The following ANKRD17 variants were observed in gnomAD, a reference collection of about 807,000 sequenced individuals.
ANKRD17 encodes the protein ankyrin repeat domain-containing protein 17.
ANKRD17 carries 19 observed loss-of-function variants against 229.7 expected under a neutral mutation model. The ratio of observed to expected loss-of-function variants is 0.08; its 90% CI spans 0.06 to 0.12. The LOEUF (loss-of-function observed/expected upper bound fraction) is 0.12. ANKRD17 is among the 10% of genes least tolerant of loss of function. The probability of loss-of-function intolerance (pLI) is 1.00; values close to 1 mark genes in which losing one functional copy is unlikely to be tolerated. For synonymous variants in ANKRD17, 1,112 were observed against 1,146.1 expected (o/e 0.97, Z 0.60); for missense variants, 2,176 against 3,176.8 (o/e 0.68, Z 7.57).
chr4:73,085,570 T>C (rs1433229456), intron 29 of ANKRD17, 124 bp from the exon 30 acceptor site: 5 of 852,072 alleles, frequency 5.9e-6, no homozygotes, highest in Non-Finnish European at 7.0e-6. Flanking sequence ...AAATCCCGGC[T>C]GGGAGTGGTG....
At chr4:73,099,947 C>T (rs1413668253) in intron 25 of ANKRD17, among the ~76,000 whole-genome samples, 1 of 152,108 alleles carries the variant, frequency 6.6e-6, no homozygotes, top group East Asian at 1.9e-4. Context: ...GCCGCTCCCC[C>T]ATACTTACTT....
intron 1 of ANKRD17, among the ~76,000 whole-genome samples, chr4:73,245,556 C>T (rs1744421769): frequency 6.6e-6 from 1 of 152,212 alleles, no homozygotes; most frequent in Non-Finnish European, 1.5e-5. Context: ...CCACAATCTT[C>T]TCCCACTAAC....
intron 2 of ANKRD17, among the ~76,000 whole-genome samples, chr4:73,168,111 C>T (rs1733475195): frequency 6.9e-6 from 1 of 144,694 alleles, no homozygotes; most frequent in African/African-American, 2.6e-5. Context: ...CAAGATCCCA[C>T]CACTGTACTC....
rs1720951449 is a variant in ANKRD17 at position 73,075,699 on chromosome 4, T to G, written c.*532A>C. On this transcript the variant is annotated 3_prime_UTR_variant, in exon 34 of 34. Transcript: ENST00000358602. ...CCAGTAGAAAAGTTATGCTTATTAA[T>G]AGTTTAATGTATGAAGGAAACATCC... The G allele has an allele frequency of 6.6e-6, 1 of 152,666 alleles. No homozygotes were observed. The highest frequency in any genetic ancestry group is 2.4e-5 in the African/African-American group (1 of 41,460). 9.5% of individuals were successfully genotyped at this position (152,666 alleles called of 1,614,324 possible). A position where few individuals can be genotyped will look rare whatever the true frequency, so the allele number is the denominator to read the frequency against.
intron 1 of ANKRD17, among the ~76,000 whole-genome samples, chr4:73,179,518 A>ATTTTTTTTTTTT (rs56182757): frequency 2.5e-5 from 1 of 40,804 alleles, no homozygotes; most frequent in Non-Finnish European, 4.6e-5. Context: ...ATATATATAT[A>ATTTTTTTTTTTT]TTTTTTTTTT....
intron 16 of ANKRD17, among the ~76,000 whole-genome samples, chr4:73,134,709 A>G (rs1326958823): frequency 6.6e-6 from 1 of 152,224 alleles, no homozygotes; most frequent in Non-Finnish European, 1.5e-5. Context: ...ATGATATATG[A>G]TATCAATCAT....
chr4:73,121,036 C>T lies in ANKRD17; in HGVS notation c.3694G>A (p.Ala1232Thr). 6.2e-7 allele frequency: 1 copy of T among 1,613,884 alleles called. No individual in the cohort carries two copies. Among genetic ancestry groups the T allele is most frequent in the Non-Finnish European group, 8.5e-7 (1 of 1,179,888 alleles). The change falls in exon 20 of 34, where the codon GCT becomes ACT. Residue 1232 changes from alanine to threonine, a missense_variant. Ala to Thr is a moderately conservative substitution (Grantham distance 58). Around this residue, in one of 18 missense-constraint regions of ANKRD17, gnomAD observed 178 missense variants for 421.7 expected, o/e 0.42. Transcript: ENST00000358602. ...LMLAAMNGHT[A>T]AVKLLLDMGS... Reference sequence around the variant, plus strand: ...ATGTCTAACAGGAGCTTAACAGCAGCTGTATGCCCATTCATAGCTGCTAAC... The same window carrying T: ...ATGTCTAACAGGAGCTTAACAGCAGTTGTATGCCCATTCATAGCTGCTAAC...
rs1578113192 is a variant in ANKRD17 at position 73,121,441 on chromosome 4, C to T, written c.3635+176G>A. The T allele has an allele frequency of 4.2e-6, 3 of 721,040 alleles. No homozygotes were observed. In the East Asian group the frequency reaches 8.1e-5, roughly 19 times the overall value. 44.7% of individuals were successfully genotyped at this position (721,040 alleles called of 1,614,324 possible). A position where few individuals can be genotyped will look rare whatever the true frequency, so the allele number is the denominator to read the frequency against. On this transcript the variant is annotated intron_variant, in intron 19 of 33. Coordinates refer to ENST00000358602, the MANE Select transcript of ANKRD17 (RefSeq NM_032217.5). ...GAAACAGTACTCAATATTTTTCAAACTCTATATCAAGTTTTAATTACTTAA... is the reference window on the plus strand; with the variant it reads ...GAAACAGTACTCAATATTTTTCAAATTCTATATCAAGTTTTAATTACTTAA...
At chr4:73,095,222 AT>A (rs1723169932) in intron 27 of ANKRD17, among the ~76,000 whole-genome samples, 1 of 152,170 alleles carries the variant, frequency 6.6e-6, no homozygotes. Context: ...TTATAGTAGC[AT>A]TAAAATGACC....
chr4:73,168,032 G>T (rs1347257265), intron 2 of ANKRD17, among the ~76,000 whole-genome samples: 4 of 152,038 alleles, frequency 2.6e-5, no homozygotes, highest in African/African-American at 9.7e-5. Flanking sequence ...GACGCCTGTA[G>T]TCCCAGCTAC....
At chr4:73,228,194 A>C (rs1277734510) in intron 1 of ANKRD17, among the ~76,000 whole-genome samples, 1 of 152,192 alleles carries the variant, frequency 6.6e-6, no homozygotes, top group Non-Finnish European at 1.5e-5. Flanking sequence ...TAAACCAAGT[A>C]TAAGTGAAAG....
At position 73,099,285 on chromosome 4, in the gene ANKRD17, C is replaced by G. The variant is rs573765457; in HGVS notation, c.4574-765G>C. The G allele has an allele frequency of 1.7e-5, 10 of 579,328 alleles. No individual in the cohort carries two copies. In the East Asian group the frequency reaches 4.1e-4, roughly 24 times the overall value. 35.9% of individuals were successfully genotyped at this position (579,328 alleles called of 1,614,324 possible). ...CCGGCTGCCACCCCCATCCTTCCAC[C>G]TGCACCCTCACCACCACACTACACA... is the stretch of plus-strand genomic sequence containing the variant. On this transcript the variant is annotated intron_variant, in intron 25 of 33. Transcript: ENST00000358602.
chr4:73,084,451 A>ATC (rs1721903367), intron 30 of ANKRD17, among the ~76,000 whole-genome samples: 1 of 144,956 alleles, frequency 6.9e-6, no homozygotes, highest in South Asian at 2.2e-4. Flanking sequence ...TGCAGATGAG[A>ATC]TTTTTTTTTT....
chr4:73,209,168 T>C (rs762418313), intron 1 of ANKRD17, among the ~76,000 whole-genome samples: 30 of 152,060 alleles, frequency 2.0e-4, no homozygotes, highest in Non-Finnish European at 3.7e-4. Flanking sequence ...ATCGTGCCAC[T>C]GCACTCCAGT....
At position 73,118,830 on chromosome 4, in the gene ANKRD17, C is replaced by T. The variant is rs1353324609; in HGVS notation, c.4046G>A (p.Arg1349His). The change falls in exon 22 of 34, where the codon CGT becomes CAT. Residue 1349 changes from arginine (R) to histidine (H), a missense_variant. Around this residue, in one of 18 missense-constraint regions of ANKRD17, gnomAD observed 178 missense variants for 421.7 expected, o/e 0.42. Transcript: ENST00000358602. ...CAATGGAGTGTTCCCCTTCTTGTTA[C>T]GTACATCAATATGAGCTCCCCTAAA... ...LIGRGAHIDVRNKKGNTPLWL... is the reference protein window; with the variant it reads ...LIGRGAHIDVHNKKGNTPLWL... 6 of 1,606,340 alleles carry T rather than the reference C, an allele frequency of 3.7e-6. No individual in the cohort carries two copies. The East Asian group carries it at 6.8e-5, about 18-fold the overall frequency.
chr4:73,221,578 C>T (rs1741861260), intron 1 of ANKRD17, among the ~76,000 whole-genome samples: 1 of 152,128 alleles, frequency 6.6e-6, no homozygotes, highest in Non-Finnish European at 1.5e-5. Flanking sequence ...TCTAATTAGG[C>T]TTATTTAAAC....
chr4:73,188,007 G>C (rs148170340), intron 1 of ANKRD17, among the ~76,000 whole-genome samples: 1 of 152,170 alleles, frequency 6.6e-6, no homozygotes, highest in East Asian at 1.9e-4. Flanking sequence ...CTAGAACTTA[G>C]TATATCACAA....
chr4:73,213,716 A>C (rs1395113865), intron 1 of ANKRD17, among the ~76,000 whole-genome samples: 1 of 152,216 alleles, frequency 6.6e-6, no homozygotes, highest in Non-Finnish European at 1.5e-5. Context: ...TATAAACAAA[A>C]GAAGGTGAGA....
At chr4:73,217,630 G>T (rs1419943008) in intron 1 of ANKRD17, among the ~76,000 whole-genome samples, 4 of 151,968 alleles carry the variant, frequency 2.6e-5, no homozygotes, top group Admixed American at 2.0e-4. Context: ...CCGAATTGCT[G>T]TGATTACAGG....
Sources: allele counts gnomAD v4.1 joint callset (sites outside exome capture counted in the v4.1 genomes callset), GRCh38; gene constraint gnomAD v4.1.1; regional missense constraint gnomAD v4.1.1; transcripts MANE v1.5; gene names NCBI Gene and HGNC (gene_info 2026-07-23, HGNC 2026-07-21).